The following BCAS3 variants were observed in gnomAD, a reference collection of about 807,000 sequenced individuals.
BCAS3 encodes the protein BCAS3 microtubule associated cell migration factor, also known as BCAS4/BCAS3 fusion.
BCAS3 carries 53 observed loss-of-function variants against 116.1 expected under a neutral mutation model. That is an observed-to-expected ratio of 0.46 (90% CI 0.37 to 0.57). BCAS3 has a LOEUF of 0.57. BCAS3 is among the 20% of genes least tolerant of loss of function. BCAS3 has a pLI of 0.00. For synonymous variants in BCAS3, 391 were observed against 408.2 expected, an observed-to-expected ratio of 0.96 and a Z score of 0.51; for missense variants, 917 against 1,165.4, an observed-to-expected ratio of 0.79 and a Z score of 3.10.
chr17:60,889,642 C>A, intron 9 of BCAS3, 53 bp from the exon 10 acceptor site: 1 of 1,452,188 alleles, frequency 6.9e-7, no homozygotes, highest in Non-Finnish European at 9.6e-7. Context: ...TATGATGCAC[C>A]AACAGAAAAG....
intron 22 of BCAS3, among the ~76,000 whole-genome samples, chr17:61,212,542 G>GTACA (rs1555781002): frequency 6.9e-6 from 1 of 145,042 alleles, no homozygotes; most frequent in African/African-American, 2.6e-5. Flanking sequence ...GGAATAAAGT[G>GTACA]TATATATATA....
Position 61,128,542 on chromosome 17 carries a change from G to A in BCAS3, c.2425+43978G>A. 1 of 985,360 alleles carries A rather than the reference G, an allele frequency of 1.0e-6. No individual in the cohort carries two copies. Among genetic ancestry groups the A allele is most frequent in the Non-Finnish European group, 1.2e-6 (1 of 829,902 alleles). 61.0% of individuals were successfully genotyped at this position (985,360 alleles called of 1,614,324 possible). A position where few individuals can be genotyped will look rare whatever the true frequency, so the allele number is the denominator to read the frequency against. Reference sequence around the variant, plus strand: ...CGTTCTTCTCTATCCCAAATCGTTTGAATCGTTTGACTGCTATACACAATC... The same window carrying A: ...CGTTCTTCTCTATCCCAAATCGTTTAAATCGTTTGACTGCTATACACAATC... On this transcript the variant is annotated intron_variant, in intron 22 of 23. Transcript: ENST00000407086. The surrounding 1 kb of genome is among the most constrained non-coding windows in gnomAD (Gnocchi z 4.1).
intron 5 of BCAS3, among the ~76,000 whole-genome samples, chr17:60,712,758 C>G (rs2144033165): frequency 6.6e-6 from 1 of 152,286 alleles, no homozygotes. Context: ...ATGAGAGCCA[C>G]ATAAAATATG....
At chr17:60,830,923 G>A (rs566230196) in intron 7 of BCAS3, among the ~76,000 whole-genome samples, 6 of 151,226 alleles carry the variant, frequency 4.0e-5, no homozygotes, top group African/African-American at 1.5e-4. Flanking sequence ...CCATGCTGGA[G>A]TGCAGTGGTA....
intron 14 of BCAS3, among the ~76,000 whole-genome samples, chr17:60,970,219 AGC>A (rs1291124860): frequency 1.3e-5 from 2 of 152,150 alleles, no homozygotes; most frequent in Non-Finnish European, 2.9e-5. Context: ...AGGTATATGG[AGC>A]TGTACTATTG....
At chr17:61,005,843 T>A (rs913409484) in intron 15 of BCAS3, among the ~76,000 whole-genome samples, 3 of 151,244 alleles carry the variant, frequency 2.0e-5, no homozygotes, top group Non-Finnish European at 3.0e-5. Context: ...CATGTGCACA[T>A]TGTGCAGGTT....
intron 2 of BCAS3, among the ~76,000 whole-genome samples, chr17:60,681,742 T>A (rs1042260631): frequency 4.0e-5 from 6 of 149,210 alleles, no homozygotes; most frequent in East Asian, 2.0e-4. Context: ...ATATATATAT[T>A]TTTTGAGACG....
At chr17:60,783,188 A>G (rs1407406902) in intron 6 of BCAS3, among the ~76,000 whole-genome samples, 1 of 152,106 alleles carries the variant, frequency 6.6e-6, no homozygotes, top group African/African-American at 2.4e-5. Context: ...TTTTCAATCA[A>G]CAGTTTGTTT....
intron 23 of BCAS3, among the ~76,000 whole-genome samples, chr17:61,374,202 T>A (rs1555860412): frequency 6.9e-6 from 1 of 144,096 alleles, no homozygotes. Flanking sequence ...TTTTTTTTTT[T>A]CTCTGTCACC....
intron 19 of BCAS3, among the ~76,000 whole-genome samples, chr17:61,061,506 A>G (rs2070031091): frequency 6.6e-6 from 1 of 152,214 alleles, no homozygotes; most frequent in African/African-American, 2.4e-5. Context: ...AAGAACAGTA[A>G]GTTTTCAATC....
intron 6 of BCAS3, among the ~76,000 whole-genome samples, chr17:60,760,107 T>A (rs1288838632): frequency 6.6e-6 from 1 of 152,256 alleles, no homozygotes; most frequent in Admixed American, 6.5e-5. Flanking sequence ...CCATCATACT[T>A]GTATCATGTT....
At chr17:60,878,558 G>T (rs2055834652) in intron 9 of BCAS3, among the ~76,000 whole-genome samples, 1 of 152,306 alleles carries the variant, frequency 6.6e-6, no homozygotes, top group East Asian at 1.9e-4. Context: ...GAAAGCAACA[G>T]TAACATATGT....
rs2058093901 is a variant in BCAS3 at position 61,355,560 on chromosome 17, T to C, written c.2426-12767T>C. Among the ~76,000 whole-genome samples the C allele has an allele frequency of 6.6e-6, 1 of 152,256 alleles. No individual in the cohort carries two copies. The highest frequency in any genetic ancestry group is 2.4e-5 in the African/African-American group (1 of 41,466). ...ATGAACCTAGGATCCTAATCCTGAC[T>C]GTACCCTTGACCTTGTCATCTTAAG... On this transcript the variant is annotated intron_variant, in intron 22 of 23. Coordinates refer to ENST00000407086, the MANE Select transcript of BCAS3 (RefSeq NM_017679.5). The surrounding 1 kb of genome is among the most constrained non-coding windows in gnomAD (Gnocchi z 4.2).
At position 60,993,154 on chromosome 17, in the gene BCAS3, C is replaced by T. The variant is rs1279120893; in HGVS notation, c.1486+2919C>T. On this transcript the variant is annotated intron_variant, in intron 15 of 23. Transcript: ENST00000407086. The surrounding 1 kb of genome is among the most constrained non-coding windows in gnomAD (Gnocchi z 4.2). ...CACAAAAGATTGTGGGCATTCCTAC[C>T]CTCATAGATCTTGTATTCCACGGGA... Among the ~76,000 whole-genome samples the T allele has an allele frequency of 6.6e-6, 1 of 152,050 alleles. No individual in the cohort carries two copies. The highest frequency in any genetic ancestry group is 1.5e-5 in the Non-Finnish European group (1 of 68,012).
chr17:60,911,892 A>C (rs1168208932), intron 12 of BCAS3, among the ~76,000 whole-genome samples: 1 of 152,246 alleles, frequency 6.6e-6, no homozygotes, highest in African/African-American at 2.4e-5. Flanking sequence ...TTAAAGTAGC[A>C]TATAAGAATA....
chr17:61,159,667 T>A (rs1192502765), intron 22 of BCAS3, among the ~76,000 whole-genome samples: 2 of 152,226 alleles, frequency 1.3e-5, no homozygotes, highest in Non-Finnish European at 2.9e-5. Flanking sequence ...TTCAGAGGCC[T>A]GGAGAGGCAG....
intron 22 of BCAS3, among the ~76,000 whole-genome samples, chr17:61,351,311 C>T (rs774550031): frequency 6.6e-6 from 1 of 152,092 alleles, no homozygotes; most frequent in Non-Finnish European, 1.5e-5. Context: ...CTATTTTTTC[C>T]CTTCCTCAAG....
intron 7 of BCAS3, chr17:60,810,047 A>T: frequency 4.6e-6 from 1 of 217,048 alleles, no homozygotes; most frequent in Non-Finnish European, 9.3e-6. Context: ...TAAAATTATG[A>T]CACATGCCAA....
At chr17:61,267,144 G>A (rs1204714690) in intron 22 of BCAS3, among the ~76,000 whole-genome samples, 12 of 152,150 alleles carry the variant, frequency 7.9e-5, no homozygotes, top group East Asian at 2.0e-4. Context: ...CGCAAGCTCC[G>A]CCTCCCGGGT....
Sources: allele counts gnomAD v4.1 joint callset (sites outside exome capture counted in the v4.1 genomes callset), GRCh38; gene constraint gnomAD v4.1.1; non-coding constraint Gnocchi (gnomAD v3.1); transcripts MANE v1.5; gene names NCBI Gene and HGNC (gene_info 2026-07-23, HGNC 2026-07-21).